The following ROBO2 variants were observed in gnomAD, a reference collection of about 807,000 sequenced individuals.
The protein encoded by ROBO2 is roundabout guidance receptor 2, also known as roundabout homolog 2.
A neutral mutation model predicts 160.8 loss-of-function variants in ROBO2; 53 were observed. The ratio of observed to expected loss-of-function variants is 0.33; its 90% CI spans 0.26 to 0.41. The LOEUF (loss-of-function observed/expected upper bound fraction) is 0.41, where lower values mean the gene tolerates loss of function less well. ROBO2 is among the 10% of genes least tolerant of loss of function. The probability of loss-of-function intolerance (pLI) is 1.00; values close to 1 mark genes in which losing one functional copy is unlikely to be tolerated. For missense variants in ROBO2, 1,577 were observed against 1,722.4 expected, an observed-to-expected ratio of 0.92 and a Z score of 1.49; for synonymous variants, 664 against 611.7, an observed-to-expected ratio of 1.09 and a Z score of -1.26.
rs192555001 is a variant in ROBO2, at chr3:76,027,285, C to T, written c.109+89683C>T. ...CAGGTACTAAAATCAATACAAAGAG[C>T]ATATTCTTGTACCTCCCAGTCACCT... On this transcript the variant is annotated intron_variant, in intron 2 of 26. Coordinates refer to the ROBO2 transcript ENST00000487694. Among the ~76,000 whole-genome samples the T allele has an allele frequency of 1.7e-3, 251 of 151,886 alleles. 2 individuals carry two copies. Among genetic ancestry groups the T allele is most frequent in the Middle Eastern group, 3.4e-3 (1 of 294 alleles).
chr3:77,062,994 A>G (rs1055535927), intron 1 of ROBO2, among the ~76,000 whole-genome samples: 1 of 152,214 alleles, frequency 6.6e-6, no homozygotes, highest in Non-Finnish European at 1.5e-5. Flanking sequence ...CCCAAGGATA[A>G]TAAAAATACA....
chr3:76,319,767 GAATGGCTTTCAAAATACAA>G (rs956309882), intron 2 of ROBO2, among the ~76,000 whole-genome samples: 1 of 151,086 alleles, frequency 6.6e-6, no homozygotes, highest in African/African-American at 2.4e-5. Context: ...TTTAATGAGA[GAATGGCTTTCAAAATACAA>G]AGTTATTCCT....
At chr3:76,281,842 T>G (rs139281713) in intron 2 of ROBO2, among the ~76,000 whole-genome samples, 1 of 152,000 alleles carries the variant, frequency 6.6e-6, no homozygotes, top group African/African-American at 2.4e-5. Context: ...CCTATGAGAT[T>G]GTTAGCACAA....
At chr3:76,507,636 G>A (rs2080862528) in intron 2 of ROBO2, among the ~76,000 whole-genome samples, 1 of 151,902 alleles carries the variant, frequency 6.6e-6, no homozygotes, top group South Asian at 2.1e-4. Context: ...TAAGTGTTTT[G>A]CATATATTAA....
intron 24 of ROBO2, among the ~76,000 whole-genome samples, chr3:77,637,166 G>C (rs1179810791): frequency 6.6e-6 from 1 of 152,178 alleles, no homozygotes; most frequent in East Asian, 1.9e-4. Flanking sequence ...CCCAGTTACA[G>C]GTAATTTTAA....
At chr3:77,369,357 G>A (rs2071410010) in intron 2 of ROBO2, among the ~76,000 whole-genome samples, 1 of 152,176 alleles carries the variant, frequency 6.6e-6, no homozygotes, top group Non-Finnish European at 1.5e-5. Context: ...GACTGTAGCA[G>A]GTTTCACAAA....
upstream of ROBO2, among the ~76,000 whole-genome samples, chr3:77,035,509 G>T (rs1251458595): frequency 6.6e-6 from 1 of 151,824 alleles, no homozygotes; most frequent in Non-Finnish European, 1.5e-5. Flanking sequence ...ATTTTATTCT[G>T]CAGAGAAAAC....
chr3:77,427,855 G>A (rs773616115), intron 2 of ROBO2, among the ~76,000 whole-genome samples: 2 of 152,140 alleles, frequency 1.3e-5, no homozygotes, highest in Non-Finnish European at 2.9e-5. Context: ...ATGGTTAATA[G>A]GGAGAGATAA....
intron 2 of ROBO2, among the ~76,000 whole-genome samples, chr3:77,280,121 C>T (rs1411875399): frequency 6.6e-6 from 1 of 152,152 alleles, no homozygotes. Flanking sequence ...GCACCTCTCT[C>T]ACCTACATCT....
At chr3:77,417,686 C>A (rs2077370417) in intron 2 of ROBO2, among the ~76,000 whole-genome samples, 1 of 151,978 alleles carries the variant, frequency 6.6e-6, no homozygotes, top group Admixed American at 6.6e-5. Flanking sequence ...TATTTTTTAA[C>A]AAACTAAAGA....
At chr3:76,933,273 T>C (rs889121683) in intron 2 of ROBO2, among the ~76,000 whole-genome samples, 1 of 152,182 alleles carries the variant, frequency 6.6e-6, no homozygotes, top group Non-Finnish European at 1.5e-5. Flanking sequence ...TTTACTACCA[T>C]AGTGATTATA....
chr3:76,334,952 TAAAC>T (rs1341795851), intron 2 of ROBO2, among the ~76,000 whole-genome samples: 1 of 152,180 alleles, frequency 6.6e-6, no homozygotes, highest in Non-Finnish European at 1.5e-5. Context: ...CATTTAATCT[TAAAC>T]AAGAACATAA....
At chr3:76,802,087 C>T (rs993914811) in intron 2 of ROBO2, among the ~76,000 whole-genome samples, 2 of 152,108 alleles carry the variant, frequency 1.3e-5, no homozygotes, top group Non-Finnish European at 2.9e-5. Flanking sequence ...TGCTCACCAG[C>T]TCACCATAAT....
At chr3:76,696,121 C>T (rs943513194) in intron 2 of ROBO2, among the ~76,000 whole-genome samples, 9 of 152,156 alleles carry the variant, frequency 5.9e-5, no homozygotes, top group Admixed American at 2.0e-4. Flanking sequence ...CAATTCCTGC[C>T]GCACAACTCA....
At chr3:76,917,722 T>A (rs937873906) in intron 2 of ROBO2, among the ~76,000 whole-genome samples, 1 of 148,786 alleles carries the variant, frequency 6.7e-6, no homozygotes, top group African/African-American at 2.5e-5. Context: ...TTCACATATG[T>A]AAGGGGATAA....
In ROBO2 at chr3:77,569,242, T is replaced by G. The variant is rs78862828; in HGVS notation, c.1971+808T>G. On this transcript the variant is annotated intron_variant, in intron 13 of 25. Coordinates refer to ENST00000461745, the Ensembl canonical transcript of ROBO2. ...TAAACTGCCAAAATGCTTTCCAAAG[T>G]GGCTATAGCATTTTCTATTCTCACT... 4.6e-5 allele frequency among the ~76,000 whole-genome samples: 7 copies of G among 152,148 alleles called. No individual in the cohort carries two copies. The East Asian group carries it at 1.4e-3, about 30-fold the overall frequency.
intron 2 of ROBO2, among the ~76,000 whole-genome samples, chr3:76,256,177 A>T (rs1706348443): frequency 6.6e-6 from 1 of 151,892 alleles, no homozygotes; most frequent in East Asian, 1.9e-4. Flanking sequence ...AGGCATGTTG[A>T]TGTACACTTG....
intron 2 of ROBO2, among the ~76,000 whole-genome samples, chr3:76,055,299 C>T (rs531134896): frequency 1.7e-4 from 26 of 152,292 alleles, no homozygotes; most frequent in African/African-American, 6.3e-4. Context: ...CAAAGCCAAA[C>T]CATATCAGGC....
intron 2 of ROBO2, among the ~76,000 whole-genome samples, chr3:76,066,515 A>G (rs1169690445): frequency 1.3e-5 from 2 of 152,186 alleles, no homozygotes; most frequent in South Asian, 4.1e-4. Flanking sequence ...AAGTTTTTGC[A>G]AAAACAGACG....
Sources: gnomAD v4.1 joint callset for allele counts (sites outside exome capture counted in the v4.1 genomes callset) on GRCh38, gnomAD v4.1.1 for gene constraint, MANE v1.5 for transcripts, NCBI Gene and HGNC (gene_info 2026-07-23, HGNC 2026-07-21) for gene names.